TNFRSF8: variants seen among roughly 807,000 people sequenced by gnomAD.
TNFRSF8 encodes TNF receptor superfamily member 8.
TNFRSF8 carries 26 observed loss-of-function variants against 70.8 expected under a neutral mutation model. The observed-to-expected ratio is 0.37, with a 90% confidence interval of 0.27 to 0.51. The LOEUF (loss-of-function observed/expected upper bound fraction) is 0.51. TNFRSF8 is among the 20% of genes least tolerant of loss of function. The probability of loss-of-function intolerance (pLI) is 0.94; values close to 1 mark genes in which losing one functional copy is unlikely to be tolerated. For missense variants in TNFRSF8, 720 were observed against 807.9 expected (o/e 0.89, Z 1.32); for synonymous variants, 356 against 339.2 (o/e 1.05, Z -0.54).
chr1:12,118,187 G>A (rs1034129999), intron 8 of TNFRSF8, among the ~76,000 whole-genome samples: 3 of 142,828 alleles, frequency 2.1e-5, no homozygotes, highest in Non-Finnish European at 4.5e-5. Context: ...CTCGGCTCAC[G>A]GCAACCTCTG....
At chr1:12,094,533 G>C (rs569191550) in intron 2 of TNFRSF8, among the ~76,000 whole-genome samples, 1 of 152,026 alleles carries the variant, frequency 6.6e-6, no homozygotes, top group South Asian at 2.1e-4. Context: ...TCAGCAAGGA[G>C]TGAAGGGGTC....
At chr1:12,076,387 A>G (rs550432003) in intron 1 of TNFRSF8, among the ~76,000 whole-genome samples, 14 of 152,268 alleles carry the variant, frequency 9.2e-5, no homozygotes, top group African/African-American at 3.4e-4. Context: ...AGCGTGAGCT[A>G]CCGTGCCCGG....
In TNFRSF8 at chr1:12,109,710, G is replaced by T; in HGVS notation, c.512+54G>T. 1 of 1,482,598 alleles carries T rather than the reference G, an allele frequency of 6.7e-7. No homozygotes were observed. The highest frequency in any genetic ancestry group is 9.4e-7 in the Non-Finnish European group (1 of 1,064,440). 91.8% of individuals were successfully genotyped at this position (1,482,598 alleles called of 1,614,324 possible). A position where few individuals can be genotyped will look rare whatever the true frequency, so the allele number is the denominator to read the frequency against. ...TCCCCCAAGCTGGCTTTCAGATGAG[G>T]CTGCCCCACCCCACAGGACGCCCAT... On this transcript the variant is annotated intron_variant, in intron 5 of 14. Coordinates refer to ENST00000263932, the MANE Select transcript of TNFRSF8 (RefSeq NM_001243.5). This position sits in a 1 kb window ranked among gnomAD's most constrained non-coding sequence, Gnocchi z 4.4.
chr1:12,067,901 G>GGT (rs1262814871), intron 1 of TNFRSF8, among the ~76,000 whole-genome samples: 2 of 123,456 alleles, frequency 1.6e-5, no homozygotes, highest in African/African-American at 6.1e-5. Flanking sequence ...ACGGCGGGGG[G>GGT]GCGGGGGGGG....
chr1:12,125,762 T>C lies in TNFRSF8; in HGVS notation c.1154-189T>C. 4.7e-6 allele frequency: 3 copies of C among 637,368 alleles called. No homozygotes were observed. The Admixed American group carries it at 7.9e-5, about 17-fold the overall frequency. The allele number at this position is 637,368 out of a possible 1,614,324, so 39.5% of individuals were successfully genotyped here. On this transcript the variant is annotated intron_variant, in intron 10 of 14. Coordinates refer to ENST00000263932, the MANE Select transcript of TNFRSF8 (RefSeq NM_001243.5). ...AGTTTGCCCTTCTCTCAGCCTTCAA[T>C]AGTTGATCAGCTTCCTGGAGCCAGG... is the stretch of plus-strand genomic sequence containing the variant.
At position 12,115,610 on chromosome 1, in the gene TNFRSF8, A is replaced by G. The variant is rs200643752; in HGVS notation, c.827A>G (p.Asn276Ser). Residue 276 changes from asparagine (N) to serine (S), a missense_variant, in exon 8 of 15, where the codon AAC (asparagine) becomes AGC (serine). Transcript: ENST00000263932. ...DLVEKTPCAWNSSRTCECRPG... is the reference protein window; with the variant it reads ...DLVEKTPCAWSSSRTCECRPG... ...GTGGAGAAGACGCCATGTGCATGGA[A>G]CTCCTCCCGCACCTGCGAATGTCGA... The G allele has an allele frequency of 1.2e-6, 2 of 1,613,624 alleles. No individual in the cohort carries two copies. Among genetic ancestry groups the G allele is most frequent in the East Asian group, 4.5e-5 (2 of 44,842 alleles).
chr1:12,137,511 T>G (rs1391654943), intron 13 of TNFRSF8, among the ~76,000 whole-genome samples: 2 of 151,456 alleles, frequency 1.3e-5, no homozygotes, highest in Non-Finnish European at 2.9e-5. Flanking sequence ...AATCAAAAAC[T>G]AAACTGACAC....
At chr1:12,090,975 T>A (rs187262641) in intron 2 of TNFRSF8, among the ~76,000 whole-genome samples, 39 of 152,286 alleles carry the variant, frequency 2.6e-4, no homozygotes, top group East Asian at 2.1e-3. Flanking sequence ...CCAAATCCAA[T>A]ATGACTGGTG....
At position 12,142,169 on chromosome 1, in the gene TNFRSF8, C is replaced by G. The variant is rs1047227178; in HGVS notation, c.1544-118C>G. On this transcript the variant is annotated intron_variant, in intron 14 of 14. Transcript: ENST00000263932. This position sits in a 1 kb window ranked among gnomAD's most constrained non-coding sequence, Gnocchi z 5.0. ...AGGTACATCAGAGAGGCTGTGCCAT[C>G]AGCCTGAAGCCACCCGGCAGGTGTA... The G allele has an allele frequency of 1.1e-5, 15 of 1,385,878 alleles. No individual in the cohort carries two copies. The Admixed American group carries it at 4.2e-4, about 39-fold the overall frequency. The allele number at this position is 1,385,878 out of a possible 1,614,324, so 85.8% of individuals were successfully genotyped here. A position where few individuals can be genotyped will look rare whatever the true frequency, so the allele number is the denominator to read the frequency against.
chr1:12,064,877 T>G (rs1296745080), intron 1 of TNFRSF8, among the ~76,000 whole-genome samples: 1 of 151,848 alleles, frequency 6.6e-6, no homozygotes, highest in Non-Finnish European at 1.5e-5. Flanking sequence ...GCCAAGGTCT[T>G]GGGGAGATGA....
intron 1 of TNFRSF8, among the ~76,000 whole-genome samples, chr1:12,079,052 T>C (rs1479996407): frequency 1.3e-5 from 2 of 152,184 alleles, no homozygotes; most frequent in African/African-American, 4.8e-5. Context: ...CTTACCTCGC[T>C]GGCCCTGCTC....
rs76551958 is a variant in TNFRSF8, at chr1:12,081,264, G to A, written c.64-3200G>A. 3.9e-3 allele frequency among the ~76,000 whole-genome samples: 586 copies of A among 152,130 alleles called. 4 individuals are homozygous for A. Among genetic ancestry groups the A allele is most frequent in the African/African-American group, 0.012 (507 of 41,498 alleles). ...TGGGCCCATGGTCCCCATAGACTCC[G>A]TAGCTGTCAGTGAGATTAGCAGGCA... On this transcript the variant is annotated intron_variant, in intron 1 of 14. Coordinates refer to ENST00000263932, the MANE Select transcript of TNFRSF8 (RefSeq NM_001243.5).
intron 1 of TNFRSF8, among the ~76,000 whole-genome samples, chr1:12,067,895 C>T (rs968704161): frequency 1.6e-4 from 2 of 12,154 alleles, no homozygotes; most frequent in Non-Finnish European, 3.2e-4. Context: ...GCAAGGACGG[C>T]GGGGGGGCGG....
chr1:12,138,552 G>A lies in TNFRSF8; in HGVS notation c.1543+116G>A. Reference sequence around the variant, plus strand: ...CCCTGGAGTTGAAAGGCCCAGGAAAGGAGAGGCATAGATTCTTCACCCCAA... The same window carrying A: ...CCCTGGAGTTGAAAGGCCCAGGAAAAGAGAGGCATAGATTCTTCACCCCAA... On this transcript the variant is annotated intron_variant, in intron 14 of 14. Coordinates refer to ENST00000263932, the MANE Select transcript of TNFRSF8 (RefSeq NM_001243.5). This position sits in a 1 kb window ranked among gnomAD's most constrained non-coding sequence, Gnocchi z 5.7. 9.5e-7 allele frequency: 1 copy of A among 1,050,606 alleles called. No homozygotes were observed. The highest frequency in any genetic ancestry group is 2.6e-5 in the East Asian group (1 of 37,984). 65.1% of individuals were successfully genotyped at this position (1,050,606 alleles called of 1,614,324 possible). A position where few individuals can be genotyped will look rare whatever the true frequency, so the allele number is the denominator to read the frequency against.
At chr1:12,126,783 G>A (rs1248956477) in intron 12 of TNFRSF8, among the ~76,000 whole-genome samples, 1 of 152,244 alleles carries the variant, frequency 6.6e-6, no homozygotes, top group Admixed American at 6.5e-5. Context: ...TTCCTCATCC[G>A]GAAAATGCAG....
At position 12,108,010 on chromosome 1, in the gene TNFRSF8, C is replaced by G. The variant is rs1327133370; in HGVS notation, c.422-1556C>G. Among the ~76,000 whole-genome samples the G allele has an allele frequency of 6.6e-6, 1 of 152,032 alleles. No homozygotes were observed. The highest frequency in any genetic ancestry group is 1.5e-5 in the Non-Finnish European group (1 of 68,002). Reference sequence around the variant, plus strand: ...CACCATGCCACAGAACACGAGAGGTCAGCATTGCTCGCGCTCACCTCCACG... The same window carrying G: ...CACCATGCCACAGAACACGAGAGGTGAGCATTGCTCGCGCTCACCTCCACG... On this transcript the variant is annotated intron_variant, in intron 4 of 14. Coordinates refer to ENST00000263932, the MANE Select transcript of TNFRSF8 (RefSeq NM_001243.5). The surrounding 1 kb of genome is among the most constrained non-coding windows in gnomAD (Gnocchi z 4.0).
intron 2 of TNFRSF8, 137 bp from the exon 3 acceptor site, chr1:12,096,964 A>T (rs1177540577): frequency 4.7e-6 from 3 of 643,168 alleles, no homozygotes; most frequent in Non-Finnish European, 8.3e-6. Flanking sequence ...CATCCATAAC[A>T]CAAGAATTGG....
At chr1:12,137,107 G>A (rs1642160728) in intron 13 of TNFRSF8, among the ~76,000 whole-genome samples, 1 of 152,050 alleles carries the variant, frequency 6.6e-6, no homozygotes, top group Non-Finnish European at 1.5e-5. Context: ...AGCGAGTGAA[G>A]AATACTCAGT....
chr1:12,115,525 C>T (rs1641711073), intron 7 of TNFRSF8, 52 bp from the exon 8 acceptor site: 3 of 1,609,704 alleles, frequency 1.9e-6, no homozygotes, highest in Non-Finnish European at 1.7e-6. Flanking sequence ...CTCTGGACCC[C>T]CTGCCCTTGC....
Sources: allele counts gnomAD v4.1 joint callset (sites outside exome capture counted in the v4.1 genomes callset), GRCh38; gene constraint gnomAD v4.1.1; non-coding constraint Gnocchi (gnomAD v3.1); transcripts MANE v1.5; gene names NCBI Gene and HGNC (gene_info 2026-07-23, HGNC 2026-07-21).